The following METTL15 variants were observed in gnomAD, a reference collection of about 807,000 sequenced individuals.
METTL15 encodes the protein 12S rRNA N(4)-cytidine methyltransferase METTL15.
METTL15 carries 34 observed loss-of-function variants against 38.3 expected under a neutral mutation model. That is an observed-to-expected ratio of 0.89 (90% CI 0.68 to 1.18). The LOEUF (loss-of-function observed/expected upper bound fraction) is 1.18. Ranked by LOEUF, METTL15 falls within the 50% of genes most tolerant of loss-of-function variation. The probability of loss-of-function intolerance (pLI) is 0.00; values close to 1 mark genes in which losing one functional copy is unlikely to be tolerated. For synonymous variants in METTL15, 162 were observed against 170.9 expected (o/e 0.95, Z 0.41); for missense variants, 438 against 498.4 (o/e 0.88, Z 1.15).
chr11:28,311,648 T>C (rs1338144068), intron 6 of METTL15, among the ~76,000 whole-genome samples: 1 of 152,264 alleles, frequency 6.6e-6, no homozygotes, highest in Admixed American at 6.5e-5. Context: ...TTACTAGCTT[T>C]GTAAATTTAT....
chr11:28,279,915 A>G lies in METTL15; in HGVS notation c.408-10291A>G, dbSNP rs1411144025. Among the ~76,000 whole-genome samples the G allele has an allele frequency of 7.0e-5, 7 of 99,318 alleles. No individual in the cohort carries two copies. The East Asian group carries it at 2.9e-3, about 41-fold the overall frequency. The allele number at this position is 99,318 out of a possible 152,430, so 65.2% of individuals were successfully genotyped here. On this transcript the variant is annotated intron_variant, in intron 4 of 6. Transcript: ENST00000407364. ...CTCTGTCTCAAAAACAAAACAAAAC[A>G]AAAAAAAAAAAAAAAAGGAAGGCTA...
chr11:28,219,303 G>T (rs1853070805), intron 4 of METTL15, among the ~76,000 whole-genome samples: 1 of 152,038 alleles, frequency 6.6e-6, no homozygotes, highest in South Asian at 2.1e-4. Context: ...TGTGTGTGAT[G>T]AGGAATTTAT....
chr11:28,270,881 C>A (rs187899022), intron 4 of METTL15, among the ~76,000 whole-genome samples: 2 of 152,226 alleles, frequency 1.3e-5, no homozygotes, highest in East Asian at 1.9e-4. Context: ...AGCTGTGTAA[C>A]CTTCAAGAAG....
chr11:28,447,067 C>T (rs1248808858), intron 6 of METTL15, among the ~76,000 whole-genome samples: 1 of 150,970 alleles, frequency 6.6e-6, no homozygotes, highest in Non-Finnish European at 1.5e-5. Flanking sequence ...TTTAAAAAAA[C>T]ACCCATAATT....
chr11:28,482,082 T>C (rs1485544213), intron 6 of METTL15, among the ~76,000 whole-genome samples: 1 of 152,256 alleles, frequency 6.6e-6, no homozygotes, highest in East Asian at 1.9e-4. Context: ...ATAAAATGAT[T>C]GCTTTCAAGA....
intron 4 of METTL15, among the ~76,000 whole-genome samples, chr11:28,276,420 A>G (rs1855844770): frequency 6.6e-6 from 1 of 152,122 alleles, no homozygotes; most frequent in Non-Finnish European, 1.5e-5. Flanking sequence ...AAAACTACAA[A>G]ACACTCATGA....
chr11:28,395,235 A>C (rs1850556159), intron 5 of METTL15, among the ~76,000 whole-genome samples: 1 of 152,050 alleles, frequency 6.6e-6, no homozygotes, highest in Admixed American at 6.6e-5. Flanking sequence ...GCAGCATAAG[A>C]GACTAGATTC....
intron 2 of METTL15, among the ~76,000 whole-genome samples, chr11:28,112,349 A>G (rs1280936844): frequency 6.6e-6 from 1 of 152,156 alleles, no homozygotes; most frequent in African/African-American, 2.4e-5. Context: ...TATTTTGTGT[A>G]TACGAAGGTG....
At chr11:28,184,236 G>C (rs1267890760) in intron 3 of METTL15, among the ~76,000 whole-genome samples, 2 of 151,804 alleles carry the variant, frequency 1.3e-5, no homozygotes, top group Non-Finnish European at 2.9e-5. Context: ...TTTTTTTGAA[G>C]GGTTTTTTGT....
chr11:28,220,426 C>G (rs550826093), intron 4 of METTL15, among the ~76,000 whole-genome samples: 3 of 152,250 alleles, frequency 2.0e-5, no homozygotes, highest in East Asian at 1.9e-4. Context: ...AGATCTTCCT[C>G]CATTCCTTTA....
chr11:28,472,725 G>T (rs1281463086), intron 6 of METTL15, among the ~76,000 whole-genome samples: 1 of 152,178 alleles, frequency 6.6e-6, no homozygotes, highest in South Asian at 2.1e-4. Context: ...AGCCAAGAGG[G>T]TATTGCAGAT....
At chr11:28,172,032 C>T (rs1017138370) in intron 3 of METTL15, among the ~76,000 whole-genome samples, 2 of 152,016 alleles carry the variant, frequency 1.3e-5, no homozygotes, top group African/African-American at 4.8e-5. Context: ...AACTTTTGGG[C>T]TCAAGCAGTT....
chr11:28,376,136 A>G (rs1672786331), intron 5 of METTL15, among the ~76,000 whole-genome samples: 1 of 151,054 alleles, frequency 6.6e-6, no homozygotes, highest in Non-Finnish European at 1.5e-5. Flanking sequence ...AAAAAAATGT[A>G]TATTCTGTTG....
At chr11:28,410,822 A>G (rs924719258) in intron 5 of METTL15, 35 of 152,116 alleles carry the variant, frequency 2.3e-4, no homozygotes, top group African/African-American at 8.4e-4. Context: ...GGAAAAGCAG[A>G]AGTAAAATTG....
At chr11:28,442,768 G>T (rs965557293) in intron 6 of METTL15, among the ~76,000 whole-genome samples, 8 of 152,052 alleles carry the variant, frequency 5.3e-5, no homozygotes, top group Admixed American at 5.2e-4. Flanking sequence ...TATTATTTAC[G>T]TTGGTTTTCG....
At chr11:28,376,893 G>A (rs1217641959) in intron 5 of METTL15, among the ~76,000 whole-genome samples, 1 of 140,530 alleles carries the variant, frequency 7.1e-6, no homozygotes, top group Admixed American at 7.6e-5. Context: ...TGTCTGTAAA[G>A]TATTTTATTT....
intron 4 of METTL15, among the ~76,000 whole-genome samples, chr11:28,353,654 G>A (rs1459304837): frequency 1.3e-5 from 2 of 152,106 alleles, no homozygotes; most frequent in African/African-American, 4.8e-5. Flanking sequence ...GGCCGGGCGC[G>A]GTGGCTCACG....
intron 3 of METTL15, among the ~76,000 whole-genome samples, chr11:28,192,545 T>C (rs1158506962): frequency 6.6e-6 from 1 of 151,956 alleles, no homozygotes; most frequent in African/African-American, 2.4e-5. Flanking sequence ...ATACAATGAA[T>C]TGGGAAATAT....
chr11:28,184,098 GTGATATCCCTCATATTA>G (rs1851401686), intron 3 of METTL15, among the ~76,000 whole-genome samples: 1 of 151,896 alleles, frequency 6.6e-6, no homozygotes, highest in Admixed American at 6.6e-5. Flanking sequence ...GGAATCAGTG[GTGATATCCCTCATATTA>G]TTTTTTATTG....
Sources: gnomAD v4.1 joint callset for allele counts (sites outside exome capture counted in the v4.1 genomes callset) on GRCh38, gnomAD v4.1.1 for gene constraint, MANE v1.5 for transcripts, NCBI Gene and HGNC (gene_info 2026-07-23, HGNC 2026-07-21) for gene names.